The following PCDHGA10 variants were observed in gnomAD, a reference collection of about 807,000 sequenced individuals.
PCDHGA10 encodes protocadherin gamma subfamily A, 10.
PCDHGA10 carries 42 observed loss-of-function variants against 59.5 expected under a neutral mutation model. The ratio of observed to expected loss-of-function variants is 0.71; its 90% CI spans 0.55 to 0.91. The LOEUF is 0.91. Ranked by LOEUF, PCDHGA10 falls within the 40% of genes least tolerant of loss-of-function variation. The probability of loss-of-function intolerance (pLI) is 0.00; values close to 1 mark genes in which losing one functional copy is unlikely to be tolerated. For missense variants in PCDHGA10, 1,111 were observed against 1,198.2 expected, an observed-to-expected ratio of 0.93 and a Z score of 1.07; for synonymous variants, 511 against 517.2, an observed-to-expected ratio of 0.99 and a Z score of 0.16.
chr5:141,467,055 C>CTTTTT (rs1193465269), intron 1 of PCDHGA10, among the ~76,000 whole-genome samples: 1 of 134,496 alleles, frequency 7.4e-6, no homozygotes, highest in Non-Finnish European at 1.6e-5. Context: ...TCAATGTTTT[C>CTTTTT]TTTTTTTTTT....
At position 141,476,128 on chromosome 5, in the gene PCDHGA10, G is replaced by A. The variant is rs1450094771; in HGVS notation, c.2437-18679G>A. 1 of 1,606,456 alleles carries A rather than the reference G, an allele frequency of 6.2e-7. No homozygotes were observed. Among genetic ancestry groups the A allele is most frequent in the African/African-American group, 1.3e-5 (1 of 74,874 alleles). On this transcript the variant is annotated intron_variant, in intron 1 of 3. Transcript: ENST00000398610. The surrounding 1 kb of genome is among the most constrained non-coding windows in gnomAD (Gnocchi z 7.6). ...TGCTTTTGAGTGAGATGGTCCCAGA[G>A]GCCTGGAGGAGCGGACTGGTAAGCA...
chr5:141,496,306 C>T (rs1380057886), intron 2 of PCDHGA10, among the ~76,000 whole-genome samples: 1 of 152,202 alleles, frequency 6.6e-6, no homozygotes, highest in South Asian at 2.1e-4. Flanking sequence ...ATAGGCTCTG[C>T]GCCAGGCCTC....
intron 1 of PCDHGA10, chr5:141,423,850 A>G: frequency 1.6e-6 from 2 of 1,278,674 alleles, no homozygotes; most frequent in East Asian, 3.1e-5. Flanking sequence ...ATCTTTCAGA[A>G]CGTTTTTGTG....
Position 141,485,436 on chromosome 5 carries a change from A to G in PCDHGA10, c.2437-9371A>G, listed in dbSNP as rs2099613369. On this transcript the variant is annotated intron_variant, in intron 1 of 3. Transcript: ENST00000398610. This position sits in a 1 kb window ranked among gnomAD's most constrained non-coding sequence, Gnocchi z 5.7. ...GACAGCGGAGCCCTGCTCATCAAGA[A>G]CCCAATCGACCGAGAGGCACTGTGT... 1.9e-6 allele frequency: 3 copies of G among 1,614,092 alleles called. No individual in the cohort carries two copies. The highest frequency in any genetic ancestry group is 2.7e-5 in the African/African-American group (2 of 74,934).
chr5:141,458,594 G>A (rs1226490392), intron 1 of PCDHGA10, among the ~76,000 whole-genome samples: 2 of 151,612 alleles, frequency 1.3e-5, no homozygotes, highest in South Asian at 2.1e-4. Flanking sequence ...TTTTGGAGAC[G>A]AGTCTCACTC....
intron 1 of PCDHGA10, among the ~76,000 whole-genome samples, chr5:141,462,688 A>G (rs919098530): frequency 3.9e-5 from 6 of 152,126 alleles, no homozygotes; most frequent in African/African-American, 1.4e-4. Flanking sequence ...TTTTGAGCAC[A>G]TTTATAATGG....
intron 2 of PCDHGA10, among the ~76,000 whole-genome samples, chr5:141,495,601 G>A (rs1315613802): frequency 3.3e-5 from 5 of 152,004 alleles, no homozygotes; most frequent in South Asian, 2.1e-4. Context: ...CTTAGCTTCC[G>A]TCTTGATTGC....
chr5:141,459,076 C>T (rs1474375780), intron 1 of PCDHGA10, among the ~76,000 whole-genome samples: 1 of 152,144 alleles, frequency 6.6e-6, no homozygotes, highest in Non-Finnish European at 1.5e-5. Context: ...ATAAAATTTG[C>T]CTTTTAAAAT....
chr5:141,450,815 A>AT (rs1554136868), intron 1 of PCDHGA10, among the ~76,000 whole-genome samples: 4,329 of 126,688 alleles, frequency 0.034, 70 homozygotes, highest in Middle Eastern at 0.091. Flanking sequence ...TATTTATTTA[A>AT]TATTATTATT....
At position 141,493,332 on chromosome 5, in the gene PCDHGA10, C is replaced by T. The variant is rs2099747680; in HGVS notation, c.2437-1475C>T. 6.6e-6 allele frequency among the ~76,000 whole-genome samples: 1 copy of T among 152,210 alleles called. No homozygotes were observed. The highest frequency in any genetic ancestry group is 1.5e-5 in the Non-Finnish European group (1 of 68,036). Reference sequence around the variant, plus strand: ...AAGAGAGATTCTAACCCCTGTCTAACTCCAGAATGTGTGCTTTTAATTTCT... The same window carrying T: ...AAGAGAGATTCTAACCCCTGTCTAATTCCAGAATGTGTGCTTTTAATTTCT... On this transcript the variant is annotated intron_variant, in intron 1 of 3. Transcript: ENST00000398610. This position sits in a 1 kb window ranked among gnomAD's most constrained non-coding sequence, Gnocchi z 4.3.
chr5:141,494,898 T>C, intron 2 of PCDHGA10, 33 bp downstream of exon 2: 1 of 1,614,074 alleles, frequency 6.2e-7, no homozygotes, highest in Non-Finnish European at 8.5e-7. Flanking sequence ...CACCCTCTTC[T>C]CTGCGGCATT....
chr5:141,419,350 G>A, intron 1 of PCDHGA10: 1 of 1,613,848 alleles, frequency 6.2e-7, no homozygotes, highest in Non-Finnish European at 8.5e-7. Context: ...GCGACCTGGA[G>A]TCACGAACGC....
rs984222446 is a variant in PCDHGA10 at position 141,493,942 on chromosome 5, G to T, written c.2437-865G>T. ...ACACACCCCCTGGAAAGACCAGAAG[G>T]GACTCAGGAATGAAGTGGCTGGCCA... On this transcript the variant is annotated intron_variant, in intron 1 of 3. Transcript: ENST00000398610. The surrounding 1 kb of genome is among the most constrained non-coding windows in gnomAD (Gnocchi z 4.3). Among the ~76,000 whole-genome samples the T allele has an allele frequency of 1.3e-5, 2 of 152,168 alleles. No individual in the cohort carries two copies. Among genetic ancestry groups the T allele is most frequent in the Non-Finnish European group, 1.5e-5 (1 of 68,022 alleles).
At chr5:141,437,826 CT>C (rs1263000808) in intron 1 of PCDHGA10, among the ~76,000 whole-genome samples, 5 of 151,936 alleles carry the variant, frequency 3.3e-5, no homozygotes, top group African/African-American at 1.2e-4. Flanking sequence ...CAACCTCTGC[CT>C]CCTGGGTTCA....
chr5:141,443,650 CA>C (rs2098397782), intron 1 of PCDHGA10, among the ~76,000 whole-genome samples: 1 of 152,150 alleles, frequency 6.6e-6, no homozygotes. Flanking sequence ...ATAATGTTAG[CA>C]TAGCATTTTA....
At chr5:141,500,252 A>G (rs2099798400) in intron 2 of PCDHGA10, among the ~76,000 whole-genome samples, 1 of 151,094 alleles carries the variant, frequency 6.6e-6, no homozygotes, top group East Asian at 1.9e-4. Flanking sequence ...TCTGTCACCC[A>G]GGCTGGACTG....
Position 141,417,931 on chromosome 5 carries a change from G to C in PCDHGA10, c.2436+2320G>C, listed in dbSNP as rs551432799. The C allele has an allele frequency of 6.2e-6, 10 of 1,611,500 alleles. No homozygotes were observed. In the South Asian group the frequency reaches 9.9e-5, roughly 16 times the overall value. On this transcript the variant is annotated intron_variant, in intron 1 of 3. Transcript: ENST00000398610. ...TACTATTTCCTTTGCTGCTGCCTTT[G>C]TTCTACCCCACGCTGTGTGAGCCGA...
chr5:141,493,336 A>G lies in PCDHGA10; in HGVS notation c.2437-1471A>G, dbSNP rs1049621539. Among the ~76,000 whole-genome samples, 4 of 152,202 alleles carry G rather than the reference A, an allele frequency of 2.6e-5. No homozygotes were observed. Among genetic ancestry groups the G allele is most frequent in the African/African-American group, 9.7e-5 (4 of 41,450 alleles). On this transcript the variant is annotated intron_variant, in intron 1 of 3. Transcript: ENST00000398610. The surrounding 1 kb of genome is among the most constrained non-coding windows in gnomAD (Gnocchi z 4.3). ...GAGATTCTAACCCCTGTCTAACTCC[A>G]GAATGTGTGCTTTTAATTTCTTGGC...
chr5:141,422,092 G>A (rs2154549502), intron 1 of PCDHGA10: 6 of 1,611,520 alleles, frequency 3.7e-6, no homozygotes, highest in Non-Finnish European at 5.1e-6. Flanking sequence ...GGAAAGCAAG[G>A]CTTCTGAAAT....
Sources: gnomAD v4.1 joint callset for allele counts (sites outside exome capture counted in the v4.1 genomes callset) on GRCh38, gnomAD v4.1.1 for gene constraint, Gnocchi (gnomAD v3.1) non-coding constraint, MANE v1.5 for transcripts, NCBI Gene and HGNC (gene_info 2026-07-23, HGNC 2026-07-21) for gene names.